Variants in CCDC92 observed in about 807,000 individuals in gnomAD.
CCDC92 encodes coiled-coil domain-containing protein 92.
In CCDC92, 12 loss-of-function variants were observed where a neutral mutation model predicts 24.9. The ratio of observed to expected loss-of-function variants is 0.48; its 90% confidence interval spans 0.31 to 0.78. CCDC92 has a LOEUF of 0.78. Among genes scored for constraint, CCDC92 ranks in the 30% least tolerant of loss-of-function variants. CCDC92 has a pLI of 0.05. For missense variants in CCDC92, 399 were observed against 439.4 expected, an observed-to-expected ratio of 0.91 and a Z score of 0.82; for synonymous variants, 193 against 196.3, an observed-to-expected ratio of 0.98 and a Z score of 0.14.
At chr12:123,969,209 A>C (rs1956463145) in intron 1 of CCDC92, among the ~76,000 whole-genome samples, 1 of 152,208 alleles carries the variant, frequency 6.6e-6, no homozygotes, top group African/African-American at 2.4e-5. Context: ...TTTCTTCTTC[A>C]AACACAAAGC....
rs767605169 is a variant in CCDC92, at chr12:123,943,493, C to T, written c.35G>A (p.Gly12Asp). ...TSPHFSSYDE[G>D]PLDVSMAATN... ...GGCTGCCATGCTGACATCCAGAGGA[C>T]CTGTGGGTAACACAGACCCTGGCTG... Residue 12 changes from glycine to aspartate, a missense_variant and splice_region_variant, in exon 3 of 5, where the codon GGT becomes GAT. Transcript: ENST00000238156. The T allele has an allele frequency of 1.2e-6, 2 of 1,614,130 alleles. No individual in the cohort carries two copies. The highest frequency in any genetic ancestry group is 1.7e-6 in the Non-Finnish European group (2 of 1,180,036).
chr12:123,943,659 A>G, intron 2 of CCDC92, 166 bp from the exon 3 acceptor site: 1 of 728,750 alleles, frequency 1.4e-6, no homozygotes, highest in South Asian at 1.8e-5. Flanking sequence ...CATTCCCATC[A>G]CTGCAGGGAG....
intron 1 of CCDC92, among the ~76,000 whole-genome samples, chr12:123,949,556 C>T (rs536084701): frequency 1.9e-4 from 29 of 152,200 alleles, no homozygotes; most frequent in Non-Finnish European, 3.5e-4. Context: ...CCCCACAGAA[C>T]GCCAGCAGAA....
At chr12:123,969,906 CTT>C (rs969237740) in intron 1 of CCDC92, 3 of 152,030 alleles carry the variant, frequency 2.0e-5, no homozygotes, top group African/African-American at 4.8e-5. Flanking sequence ...TAATTTTCCT[CTT>C]GATTCAATGT....
intron 4 of CCDC92, among the ~76,000 whole-genome samples, chr12:123,938,271 AGAG>A (rs1347649412): frequency 3.3e-5 from 5 of 152,358 alleles, no homozygotes; most frequent in East Asian, 1.9e-4. Context: ...TCTGATGTTT[AGAG>A]GAGAAGAGGT....
chr12:123,947,141 G>A (rs1955895174), intron 1 of CCDC92, among the ~76,000 whole-genome samples: 1 of 152,210 alleles, frequency 6.6e-6, no homozygotes, highest in African/African-American at 2.4e-5. Flanking sequence ...TCCCCTAGCA[G>A]TGCCAGCCCA....
chr12:123,965,006 AC>A (rs1251924714), intron 1 of CCDC92, among the ~76,000 whole-genome samples: 2 of 152,238 alleles, frequency 1.3e-5, no homozygotes, highest in African/African-American at 4.8e-5. Flanking sequence ...AATGGAAAAA[AC>A]ATCTCGTCAC....
rs147001890 is a variant in CCDC92, at chr12:123,958,930, A to G, written c.-60+13599T>C. Among the ~76,000 whole-genome samples the G allele has an allele frequency of 2.5e-3, 385 of 152,320 alleles. 2 individuals carry two copies. Among genetic ancestry groups the G allele is most frequent in the African/African-American group, 9.0e-3 (375 of 41,562 alleles). On this transcript the variant is annotated intron_variant, in intron 1 of 4. Transcript: ENST00000238156. Reference sequence around the variant, plus strand: ...TGTTAGCTGACTTTAAAAGCATTCAATGACAAGATTTTCTGAAGAGGTAAT... The same window carrying G: ...TGTTAGCTGACTTTAAAAGCATTCAGTGACAAGATTTTCTGAAGAGGTAAT...
intron 1 of CCDC92, among the ~76,000 whole-genome samples, chr12:123,949,341 C>T (rs943754986): frequency 3.3e-5 from 5 of 152,346 alleles, no homozygotes; most frequent in African/African-American, 1.2e-4. Context: ...TGTTCCTAAG[C>T]GTTGCTGAGA....
At chr12:123,955,878 T>A (rs1594488335) in intron 1 of CCDC92, among the ~76,000 whole-genome samples, 1 of 152,238 alleles carries the variant, frequency 6.6e-6, no homozygotes, top group Non-Finnish European at 1.5e-5. Context: ...TCAGAGAAGA[T>A]GACTGCCACT....
At chr12:123,965,528 T>G (rs766704016) in intron 1 of CCDC92, among the ~76,000 whole-genome samples, 1 of 152,076 alleles carries the variant, frequency 6.6e-6, no homozygotes, top group Non-Finnish European at 1.5e-5. Flanking sequence ...ACGGCCCTCA[T>G]GTAACCCATG....
intron 1 of CCDC92, chr12:123,956,448 C>T (rs904758642): frequency 1.3e-5 from 2 of 152,130 alleles, no homozygotes; most frequent in Admixed American, 6.5e-5. Flanking sequence ...TCCTGTGCTG[C>T]GTAGAATAGG....
At chr12:123,947,843 C>G (rs1194823874) in intron 1 of CCDC92, among the ~76,000 whole-genome samples, 1 of 152,154 alleles carries the variant, frequency 6.6e-6, no homozygotes, top group African/African-American at 2.4e-5. Flanking sequence ...TTCTTTCGCT[C>G]TTTGCAATAA....
intron 3 of CCDC92, 105 bp downstream of exon 3, chr12:123,943,242 C>G (rs1955742746): frequency 7.8e-7 from 1 of 1,274,328 alleles, no homozygotes; most frequent in Non-Finnish European, 1.1e-6. Context: ...ACTCCTGCAA[C>G]GATGATGGGA....
At chr12:123,971,930 T>C (rs1015420429) in intron 1 of CCDC92, 1 of 152,314 alleles carries the variant, frequency 6.6e-6, no homozygotes, top group African/African-American at 2.4e-5. Flanking sequence ...ATACAACTTG[T>C]CAGGGAGGGT....
Position 123,937,019 on chromosome 12 carries a change from C to A in CCDC92, c.*39G>T. Reference sequence around the variant, plus strand: ...GTGGCTGAGATTTCCCAGTGGTGCTCACAGTGCATGGACAGCGCGGGGTGG... The same window carrying A: ...GTGGCTGAGATTTCCCAGTGGTGCTAACAGTGCATGGACAGCGCGGGGTGG... On this transcript the variant is annotated 3_prime_UTR_variant, in exon 5 of 5. Coordinates refer to ENST00000238156, the MANE Select transcript of CCDC92 (RefSeq NM_025140.3). The surrounding 1 kb of genome is among the most constrained non-coding windows in gnomAD (Gnocchi z 8.4). The A allele has an allele frequency of 6.2e-7, 1 of 1,608,034 alleles. No homozygotes were observed. Among genetic ancestry groups the A allele is most frequent in the Non-Finnish European group, 8.5e-7 (1 of 1,177,366 alleles).
Position 123,937,433 on chromosome 12 carries a change from T to C in CCDC92, c.621A>G (p.Lys207=). The C allele has an allele frequency of 6.2e-7, 1 of 1,613,754 alleles. No homozygotes were observed. The highest frequency in any genetic ancestry group is 8.5e-7 in the Non-Finnish European group (1 of 1,179,998). The change falls in exon 5 of 5, where the codon AAA becomes AAG. Residue 207 remains lysine (K), a synonymous_variant. Transcript: ENST00000238156. The surrounding 1 kb of genome is among the most constrained non-coding windows in gnomAD (Gnocchi z 8.4). ...KLPETPRRRM[K]KSLSAPLHPE... is the part of the protein sequence containing the mutation. Reference sequence around the variant, plus strand: ...GGTGCAAGGGGGCTGAGAGGCTCTTTTTCATGCGGCGGCGAGGCGTTTCGG... The same window carrying C: ...GGTGCAAGGGGGCTGAGAGGCTCTTCTTCATGCGGCGGCGAGGCGTTTCGG...
intron 1 of CCDC92, among the ~76,000 whole-genome samples, chr12:123,963,747 A>G (rs981120538): frequency 6.6e-5 from 10 of 152,220 alleles, no homozygotes; most frequent in Non-Finnish European, 1.2e-4. Context: ...TTCCACAGAA[A>G]TTAAGTGGAC....
Position 123,937,419 on chromosome 12 carries a change from G to A in CCDC92, c.635C>T (p.Ala212Val). 6.2e-7 allele frequency: 1 copy of A among 1,613,832 alleles called. No homozygotes were observed. Among genetic ancestry groups the A allele is most frequent in the East Asian group, 2.2e-5 (1 of 44,872 alleles). ...PRRRMKKSLS[A>V]PLHPEFEEVY... The stretch of plus-strand genomic sequence containing the variant: ...CTCTTCAAATTCCGGGTGCAAGGGG[G>A]CTGAGAGGCTCTTTTTCATGCGGCG... The change falls in exon 5 of 5, where the codon GCC becomes GTC. Residue 212 changes from alanine to valine, a missense_variant. Transcript: ENST00000238156. This position sits in a 1 kb window ranked among gnomAD's most constrained non-coding sequence, Gnocchi z 8.4.
Sources: allele counts gnomAD v4.1 joint callset (sites outside exome capture counted in the v4.1 genomes callset), GRCh38; gene constraint gnomAD v4.1.1; non-coding constraint Gnocchi (gnomAD v3.1); transcripts MANE v1.5; gene names NCBI Gene and HGNC (gene_info 2026-07-23, HGNC 2026-07-21).